EPHA3: variants seen among roughly 807,000 people sequenced by gnomAD.
EPHA3 encodes the protein ephrin type-A receptor 3.
EPHA3 carries 42 observed loss-of-function variants against 107.1 expected under a neutral mutation model. The ratio of observed to expected loss-of-function variants is 0.39; its 90% CI spans 0.31 to 0.51. The LOEUF is 0.51. Ranked by LOEUF, EPHA3 falls within the 20% of genes least tolerant of loss-of-function variation. The pLI is 0.78. For missense variants in EPHA3, 1,183 were observed against 1,211.2 expected (o/e 0.98, Z 0.35); for synonymous variants, 461 against 424.8 (o/e 1.09, Z -1.05).
At chr3:89,459,522 CTTCG>C (rs1193296068) in intron 15 of EPHA3, among the ~76,000 whole-genome samples, 51 of 144,098 alleles carry the variant, frequency 3.5e-4, no homozygotes, top group Admixed American at 3.0e-3. Context: ...TCCTTCCTTC[CTTCG>C]TTCCTTCCTT....
At chr3:89,372,713 G>C (rs771397773) in intron 5 of EPHA3, among the ~76,000 whole-genome samples, 13 of 151,746 alleles carry the variant, frequency 8.6e-5, no homozygotes, top group Admixed American at 1.3e-4. Context: ...CATTTGAACA[G>C]CTTAGTCTCT....
At chr3:89,143,020 A>T (rs961126114) in intron 2 of EPHA3, among the ~76,000 whole-genome samples, 4 of 151,232 alleles carry the variant, frequency 2.6e-5, no homozygotes, top group African/African-American at 9.7e-5. Flanking sequence ...ATATGAAAGA[A>T]TCTAAATATT....
intron 2 of EPHA3, among the ~76,000 whole-genome samples, chr3:89,145,778 T>A (rs1221374547): frequency 1.3e-5 from 2 of 151,886 alleles, no homozygotes; most frequent in East Asian, 3.9e-4. Context: ...TTTTCTCAAG[T>A]GTGTCTAGAA....
intron 2 of EPHA3, among the ~76,000 whole-genome samples, chr3:89,176,620 T>A (rs895253667): frequency 1.3e-5 from 2 of 152,020 alleles, no homozygotes; most frequent in African/African-American, 4.8e-5. Context: ...AATACATGTC[T>A]CACAGAGTTG....
chr3:89,181,076 T>C (rs1705433014), intron 2 of EPHA3, among the ~76,000 whole-genome samples: 1 of 152,036 alleles, frequency 6.6e-6, no homozygotes, highest in Non-Finnish European at 1.5e-5. Flanking sequence ...AAAACACTCA[T>C]ATTGTAATTA....
At chr3:89,436,771 T>C (rs1270138022) in intron 13 of EPHA3, among the ~76,000 whole-genome samples, 1 of 152,234 alleles carries the variant, frequency 6.6e-6, no homozygotes, top group African/African-American at 2.4e-5. Context: ...TGTTCTATAC[T>C]GTCTTAGGTG....
At chr3:89,250,593 C>T (rs1705139425) in intron 3 of EPHA3, among the ~76,000 whole-genome samples, 1 of 152,106 alleles carries the variant, frequency 6.6e-6, no homozygotes, top group Admixed American at 6.6e-5. Flanking sequence ...GTTCTTATCC[C>T]CACTGCTACC....
chr3:89,301,001 A>G (rs1365292347), intron 3 of EPHA3, among the ~76,000 whole-genome samples: 2 of 152,054 alleles, frequency 1.3e-5, no homozygotes, highest in African/African-American at 4.8e-5. Context: ...CTCCCTGACC[A>G]CTCTAAATTA....
At chr3:89,227,849 T>A (rs1704536128) in intron 3 of EPHA3, among the ~76,000 whole-genome samples, 1 of 152,012 alleles carries the variant, frequency 6.6e-6, no homozygotes, top group Non-Finnish European at 1.5e-5. Context: ...TATATTAGGT[T>A]GTTTAAATTG....
chr3:89,329,975 G>T (rs145317219), intron 3 of EPHA3, among the ~76,000 whole-genome samples: 1 of 151,754 alleles, frequency 6.6e-6, no homozygotes, highest in African/African-American at 2.4e-5. Flanking sequence ...CTCATTTTAT[G>T]TGAAAATCAA....
At position 89,171,820 on chromosome 3, in the gene EPHA3, C is replaced by T. The variant is rs551532526; in HGVS notation, c.154-38040C>T. Among the ~76,000 whole-genome samples the T allele has an allele frequency of 2.6e-4, 40 of 152,252 alleles. 1 individual carries two copies. Among genetic ancestry groups the T allele is most frequent in the South Asian group, 2.3e-3 (11 of 4,824 alleles). On this transcript the variant is annotated intron_variant, in intron 2 of 16. Coordinates refer to ENST00000336596, the MANE Select transcript of EPHA3 (RefSeq NM_005233.6). ...TAAAACTCCTTTGAATCAGGAACCA[C>T]CTTATGATCACAACTGCCATGTTTA...
intron 3 of EPHA3, among the ~76,000 whole-genome samples, chr3:89,304,179 A>G (rs1260804494): frequency 6.6e-6 from 1 of 151,914 alleles, no homozygotes; most frequent in African/African-American, 2.4e-5. Flanking sequence ...AACTTTTATC[A>G]CCAGCACTTT....
chr3:89,433,852 C>T (rs1193574970), intron 13 of EPHA3, among the ~76,000 whole-genome samples: 1 of 152,042 alleles, frequency 6.6e-6, no homozygotes, highest in Admixed American at 6.6e-5. Flanking sequence ...CTCTGATCAC[C>T]AGAAAAATTA....
chr3:89,471,198 A>T (rs1207280264), intron 15 of EPHA3, among the ~76,000 whole-genome samples: 1 of 151,262 alleles, frequency 6.6e-6, no homozygotes, highest in Non-Finnish European at 1.5e-5. Flanking sequence ...CACACCAAAG[A>T]CATTTCACCA....
intron 7 of EPHA3, chr3:89,400,262 C>T (rs1464433146): frequency 1.9e-5 from 4 of 205,606 alleles, no homozygotes; most frequent in Non-Finnish European, 3.4e-5. Flanking sequence ...AGAGCGATCT[C>T]GGCTCACTGC....
intron 1 of EPHA3, among the ~76,000 whole-genome samples, chr3:89,123,109 A>T (rs550093478): frequency 6.6e-6 from 1 of 152,054 alleles, no homozygotes; most frequent in Non-Finnish European, 1.5e-5. Context: ...ATTTGAGCCA[A>T]TTTGCTCTAT....
intron 2 of EPHA3, among the ~76,000 whole-genome samples, chr3:89,165,447 A>T (rs1286499832): frequency 6.6e-6 from 1 of 152,220 alleles, no homozygotes; most frequent in African/African-American, 2.4e-5. Flanking sequence ...AATTGGTTCA[A>T]TCATTCCATC....
At position 89,479,571 on chromosome 3, in the gene EPHA3, G is replaced by C; in HGVS notation, c.*69G>C. Reference sequence around the variant, plus strand: ...AAGGCGTAGCATCATCCTGCAGACAGACAATAATTCTGGAGATACTGGTGG... The same window carrying C: ...AAGGCGTAGCATCATCCTGCAGACACACAATAATTCTGGAGATACTGGTGG... On this transcript the variant is annotated 3_prime_UTR_variant, in exon 17 of 17. Transcript: ENST00000336596. 8.2e-7 allele frequency: 1 copy of C among 1,225,282 alleles called. No homozygotes were observed. Among genetic ancestry groups the C allele is most frequent in the Non-Finnish European group, 1.2e-6 (1 of 835,552 alleles). The allele number at this position is 1,225,282 out of a possible 1,614,324, so 75.9% of individuals were successfully genotyped here. A position where few individuals can be genotyped will look rare whatever the true frequency, so the allele number is the denominator to read the frequency against.
At chr3:89,255,688 G>A (rs1241444755) in intron 3 of EPHA3, among the ~76,000 whole-genome samples, 10 of 152,038 alleles carry the variant, frequency 6.6e-5, no homozygotes, top group Admixed American at 5.2e-4. Flanking sequence ...ATTGCCTGAG[G>A]TGAGGGGTTC....
Sources: allele counts gnomAD v4.1 joint callset (sites outside exome capture counted in the v4.1 genomes callset), GRCh38; gene constraint gnomAD v4.1.1; transcripts MANE v1.5; gene names NCBI Gene and HGNC (gene_info 2026-07-23, HGNC 2026-07-21).